Variants in ORC4 observed in about 807,000 individuals in gnomAD.
The protein encoded by ORC4 is origin recognition complex subunit 4.
Under a neutral mutation model 63.9 loss-of-function variants are expected in ORC4, and 55 were observed. That is an observed-to-expected ratio of 0.86 (90% CI 0.69 to 1.08). The LOEUF (loss-of-function observed/expected upper bound fraction) is 1.08. Among genes scored for constraint, ORC4 ranks in the 50% least tolerant of loss-of-function variants. The pLI is 0.00. For synonymous variants in ORC4, 150 were observed against 168.5 expected (o/e 0.89, Z 0.85); for missense variants, 511 against 504.4 (o/e 1.01, Z -0.13).
chr2:147,954,064 A>G (rs1201207041), intron 7 of ORC4, among the ~76,000 whole-genome samples: 1 of 151,050 alleles, frequency 6.6e-6, no homozygotes, highest in Non-Finnish European at 1.5e-5. Context: ...AAATATATAT[A>G]TATATTAAAT....
At chr2:147,969,445 G>A (rs1432155315) in intron 4 of ORC4, among the ~76,000 whole-genome samples, 2 of 152,014 alleles carry the variant, frequency 1.3e-5, no homozygotes, top group South Asian at 2.1e-4. Flanking sequence ...GTATAAAAAG[G>A]TTAATTACTA....
At chr2:148,011,161 G>A (rs1456408115) in intron 1 of ORC4, among the ~76,000 whole-genome samples, 1 of 151,838 alleles carries the variant, frequency 6.6e-6, no homozygotes, top group African/African-American at 2.4e-5. Flanking sequence ...ACCAGACAAC[G>A]ATACAACAAC....
intron 8 of ORC4, 108 bp from the exon 9 acceptor site, chr2:147,948,332 T>C: frequency 1.4e-6 from 1 of 701,232 alleles, no homozygotes; most frequent in Non-Finnish European, 2.5e-6. Flanking sequence ...TAATTAGTAA[T>C]GTTTAGTCTA....
At chr2:147,965,062 G>T (rs1558847255) in intron 4 of ORC4, among the ~76,000 whole-genome samples, 3 of 152,090 alleles carry the variant, frequency 2.0e-5, no homozygotes, top group African/African-American at 4.8e-5. Flanking sequence ...ATGTTCAAGG[G>T]AGTCTAACAT....
rs182216088 is a variant in ORC4 at position 147,947,855 on chromosome 2, G to C, written c.762+196C>G. The C allele has an allele frequency of 8.2e-6, 4 of 489,150 alleles. No homozygotes were observed. In the Admixed American group the frequency reaches 1.4e-4, roughly 17 times the overall value. 30.3% of individuals were successfully genotyped at this position (489,150 alleles called of 1,614,324 possible). On this transcript the variant is annotated intron_variant, in intron 9 of 13. Transcript: ENST00000392857. ...AAGCTTAACTGTGATGTTCTTTTGA[G>C]ATAGAATTTAGGAGAAATGACATTT... is the stretch of plus-strand genomic sequence containing the variant.
chr2:147,998,367 G>T (rs1223456762), intron 1 of ORC4, among the ~76,000 whole-genome samples: 1 of 152,172 alleles, frequency 6.6e-6, no homozygotes, highest in Non-Finnish European at 1.5e-5. Context: ...CTAGAGGGAG[G>T]TGTCTGGGTT....
chr2:147,943,669 G>T (rs1390551330), intron 9 of ORC4, 147 bp from the exon 10 acceptor site: 1 of 627,670 alleles, frequency 1.6e-6, no homozygotes, highest in African/African-American at 1.8e-5. Context: ...CTTATTTGTA[G>T]AACACTAAAA....
intron 1 of ORC4, among the ~76,000 whole-genome samples, chr2:148,018,874 C>A (rs1463005758): frequency 6.6e-6 from 1 of 152,164 alleles, no homozygotes; most frequent in Non-Finnish European, 1.5e-5. Context: ...GAGAGGGGAG[C>A]TTCTCAGGTG....
intron 3 of ORC4, 55 bp downstream of exon 3, chr2:147,973,393 C>T: frequency 9.5e-7 from 1 of 1,056,968 alleles, no homozygotes; most frequent in South Asian, 1.3e-5. Context: ...TTTTGCAAAA[C>T]CTGGAAGGCA....
chr2:147,985,439 G>A (rs1005921297), intron 1 of ORC4, among the ~76,000 whole-genome samples: 12 of 152,052 alleles, frequency 7.9e-5, no homozygotes, highest in African/African-American at 2.9e-4. Flanking sequence ...CTCGTGATCC[G>A]CCTGCCTCGG....
rs1317584919 is a variant in ORC4, at chr2:147,960,314, G to C, written c.226-1448C>G. 6.1e-6 allele frequency: 6 copies of C among 981,914 alleles called. No individual in the cohort carries two copies. In the African/African-American group the frequency reaches 1.1e-4, roughly 17 times the overall value. 60.8% of individuals were successfully genotyped at this position (981,914 alleles called of 1,614,324 possible). A position where few individuals can be genotyped will look rare whatever the true frequency, so the allele number is the denominator to read the frequency against. On this transcript the variant is annotated intron_variant, in intron 4 of 13. Transcript: ENST00000392857. The stretch of plus-strand genomic sequence containing the variant: ...ATGGGTTGTGTGTATGGTCTGAAAT[G>C]ATAAATATATTAGCAAGTGAGTCTT...
rs964444084 is a variant in ORC4, at chr2:147,932,164, G to A, written c.*3346C>T. 1 of 148,562 alleles carries A rather than the reference G, an allele frequency of 6.7e-6. No homozygotes were observed. The allele number at this position is 148,562 out of a possible 1,614,324, so 9.2% of individuals were successfully genotyped here. A position where few individuals can be genotyped will look rare whatever the true frequency, so the allele number is the denominator to read the frequency against. ...CAAGCATTCTTATACACCAACAACA[G>A]ACAAACAGAGAGCCAAATCATGAGT... On this transcript the variant is annotated 3_prime_UTR_variant, in exon 14 of 14. Transcript: ENST00000392857.
Position 147,930,749 on chromosome 2 carries a change from T to C in ORC4, c.*4761A>G, listed in dbSNP as rs1687674413. On this transcript the variant is annotated 3_prime_UTR_variant, in exon 14 of 14. Transcript: ENST00000392857. ...ATAAAACCCCACCTTGGATAAGTGA[T>C]TGTTAAATATTGTACAAATAAAATG... The C allele has an allele frequency of 6.6e-6, 1 of 152,486 alleles. No homozygotes were observed. Among genetic ancestry groups the C allele is most frequent in the South Asian group, 2.1e-4 (1 of 4,826 alleles). The allele number at this position is 152,486 out of a possible 1,614,324, so 9.4% of individuals were successfully genotyped here. A position where few individuals can be genotyped will look rare whatever the true frequency, so the allele number is the denominator to read the frequency against.
At chr2:148,006,166 G>A (rs1692616060) in intron 1 of ORC4, among the ~76,000 whole-genome samples, 2 of 152,206 alleles carry the variant, frequency 1.3e-5, no homozygotes. Flanking sequence ...GAATCTGTGT[G>A]CTTGGGAGAG....
At chr2:147,995,018 A>G (rs1244145802) in intron 1 of ORC4, among the ~76,000 whole-genome samples, 4 of 152,076 alleles carry the variant, frequency 2.6e-5, no homozygotes, top group African/African-American at 9.7e-5. Context: ...AGCACTCAAT[A>G]AAAAAACGCA....
At chr2:148,017,933 A>T in intron 1 of ORC4, among the ~76,000 whole-genome samples, 1 of 152,208 alleles carries the variant, frequency 6.6e-6, no homozygotes, top group East Asian at 1.9e-4. Flanking sequence ...TGTTATCTGG[A>T]GTTTAAACTA....
intron 1 of ORC4, among the ~76,000 whole-genome samples, chr2:148,013,737 G>A (rs930544085): frequency 6.6e-6 from 1 of 151,984 alleles, no homozygotes; most frequent in African/African-American, 2.4e-5. Flanking sequence ...AAATATATGA[G>A]TTAAGTTAAA....
chr2:147,975,867 A>G (rs781628155), intron 2 of ORC4, 35 bp downstream of exon 2: 6 of 1,229,050 alleles, frequency 4.9e-6, no homozygotes, highest in Admixed American at 1.7e-5. Flanking sequence ...TTTACAGGGT[A>G]AAATATCTTG....
At chr2:147,977,052 G>T (rs1222312752) in intron 1 of ORC4, among the ~76,000 whole-genome samples, 1 of 152,132 alleles carries the variant, frequency 6.6e-6, no homozygotes, top group African/African-American at 2.4e-5. Context: ...TAGGTATCAG[G>T]AATTGTTACA....
Sources: gnomAD v4.1 joint callset for allele counts (sites outside exome capture counted in the v4.1 genomes callset) on GRCh38, gnomAD v4.1.1 for gene constraint, MANE v1.5 for transcripts, NCBI Gene and HGNC (gene_info 2026-07-23, HGNC 2026-07-21) for gene names.